The following IARS2 variants were observed in gnomAD, a reference collection of about 807,000 sequenced individuals.
IARS2 encodes the protein isoleucyl-tRNA synthetase 2, mitochondrial, also known as isoleucine--tRNA ligase, mitochondrial.
A neutral mutation model predicts 126.3 loss-of-function variants in IARS2; 56 were observed. That is an observed-to-expected ratio of 0.44 (90% CI 0.36 to 0.55). The LOEUF (loss-of-function observed/expected upper bound fraction) is 0.55. Among genes scored for constraint, IARS2 ranks in the 20% least tolerant of loss-of-function variants. IARS2 has a pLI of 0.00. For missense variants in IARS2, 1,127 were observed against 1,245.9 expected (o/e 0.90, Z 1.44); for synonymous variants, 407 against 441.1 (o/e 0.92, Z 0.97).
At position 220,140,226 on chromosome 1, in the gene IARS2, G is replaced by A. The variant is rs753848690; in HGVS notation, c.2351G>A (p.Arg784Gln). The A allele has an allele frequency of 1.9e-5, 30 of 1,612,996 alleles. No individual in the cohort carries two copies. Among genetic ancestry groups the A allele is most frequent in the East Asian group, 2.2e-5 (1 of 44,868 alleles). Reference sequence around the variant, plus strand: ...CAATATGATTTTGGAAAAGTTGTTCGGCTGTTACGGACGTTTTATACCAGA... The same window carrying A: ...CAATATGATTTTGGAAAAGTTGTTCAGCTGTTACGGACGTTTTATACCAGA... ...YKQYDFGKVV[R>Q]LLRTFYTREL... The change falls in exon 19 of 23, where the codon CGG (arginine) becomes CAG (glutamine). Residue 784 changes from arginine to glutamine, a missense_variant. Coordinates refer to ENST00000366922, the MANE Select transcript of IARS2 (RefSeq NM_018060.4).
intron 12 of IARS2, among the ~76,000 whole-genome samples, chr1:220,116,416 C>T (rs1461401557): frequency 6.6e-6 from 1 of 151,854 alleles, no homozygotes; most frequent in Non-Finnish European, 1.5e-5. Flanking sequence ...GTTAATTCTT[C>T]CTTTTAGGAA....
At chr1:220,138,073 A>G in intron 17 of IARS2, 30 bp downstream of exon 17, 2 of 1,601,752 alleles carry the variant, frequency 1.2e-6, no homozygotes, top group Non-Finnish European at 1.7e-6. Context: ...CTATTTCTAA[A>G]GGACAAGTTT....
At chr1:220,118,083 TGCTGGAA>T in intron 12 of IARS2, 1 of 438,390 alleles carries the variant, frequency 2.3e-6, no homozygotes, top group Non-Finnish European at 4.6e-6. Context: ...TCTTTTTTTC[TGCTGGAA>T]TCAAATGAGA....
intron 2 of IARS2, among the ~76,000 whole-genome samples, chr1:220,099,261 G>A (rs1043647807): frequency 1.2e-4 from 18 of 144,092 alleles, no homozygotes; most frequent in African/African-American, 4.6e-4. Flanking sequence ...CTATAAATTT[G>A]TGCCACATAG....
intron 3 of IARS2, 43 bp from the exon 4 acceptor site, chr1:220,102,086 A>T: frequency 6.5e-7 from 1 of 1,545,530 alleles, no homozygotes; most frequent in Non-Finnish European, 8.8e-7. Context: ...TAAGAATTCG[A>T]ATTCATTGGT....
In IARS2 at chr1:220,096,101, C is replaced by A. The variant is rs1558117570; in HGVS notation, c.268-3C>A. ...TTAGATATCTTTTTTTTTTTTAAAA[C>A]AGAAATGTGGATTTTCAGAACTTTA... On this transcript the variant is annotated splice_region_variant and splice_polypyrimidine_tract_variant and intron_variant, in intron 1 of 22. Coordinates refer to ENST00000366922, the MANE Select transcript of IARS2 (RefSeq NM_018060.4). 6.5e-6 allele frequency: 9 copies of A among 1,389,004 alleles called. No individual in the cohort carries two copies. Among genetic ancestry groups the A allele is most frequent in the South Asian group, 5.1e-5 (4 of 78,068 alleles). The allele number at this position is 1,389,004 out of a possible 1,614,324, so 86.0% of individuals were successfully genotyped here. A position where few individuals can be genotyped will look rare whatever the true frequency, so the allele number is the denominator to read the frequency against.
Position 220,147,870 on chromosome 1 carries a change from T to TATG in IARS2, c.*236_*238dup, listed in dbSNP as rs1345612635. ...GTGTGTGTGTATCTGTGGATGGATA[T>TATG]ATGTATATCTCTTCCTATATATATC... On this transcript the variant is annotated 3_prime_UTR_variant, in exon 23 of 23. Transcript: ENST00000366922. 1.0e-5 allele frequency: 5 copies of TATG among 499,152 alleles called. No individual in the cohort carries two copies. Among genetic ancestry groups the TATG allele is most frequent in the Non-Finnish European group, 1.1e-5 (3 of 282,376 alleles). The allele number at this position is 499,152 out of a possible 1,614,324, so 30.9% of individuals were successfully genotyped here. A position where few individuals can be genotyped will look rare whatever the true frequency, so the allele number is the denominator to read the frequency against.
intron 11 of IARS2, among the ~76,000 whole-genome samples, chr1:220,111,342 C>T (rs1281382413): frequency 2.6e-5 from 4 of 152,042 alleles, no homozygotes; most frequent in African/African-American, 9.7e-5. Context: ...TGGTCTGATA[C>T]ATAATAAGCA....
chr1:220,137,690 G>A (rs542621107), intron 16 of IARS2: 2 of 474,264 alleles, frequency 4.2e-6, no homozygotes, highest in South Asian at 2.7e-5. Context: ...TTAGGTATGA[G>A]CATTTGTGCA....
chr1:220,127,003 A>G (rs1263307362), intron 14 of IARS2, among the ~76,000 whole-genome samples, 160 bp downstream of exon 14: 1 of 152,220 alleles, frequency 6.6e-6, no homozygotes, highest in Admixed American at 6.5e-5. Context: ...ACTTAATCCA[A>G]TGATTTCTAA....
intron 8 of IARS2, among the ~76,000 whole-genome samples, chr1:220,103,912 T>C (rs1488267889): frequency 6.6e-6 from 1 of 152,220 alleles, no homozygotes; most frequent in Non-Finnish European, 1.5e-5. Context: ...ATAATTTTAA[T>C]AAAGGATTGA....
chr1:220,141,214 T>C (rs1657486247), intron 19 of IARS2, among the ~76,000 whole-genome samples: 1 of 152,216 alleles, frequency 6.6e-6, no homozygotes, highest in African/African-American at 2.4e-5. Context: ...TATCAGACGA[T>C]GAACATAATG....
In IARS2 at chr1:220,102,203, A is replaced by G. The variant is rs368937943; in HGVS notation, c.625A>G (p.Asn209Asp). The G allele has an allele frequency of 3.7e-6, 6 of 1,612,480 alleles. No homozygotes were observed. The highest frequency in any genetic ancestry group is 1.6e-4 in the Middle Eastern group (1 of 6,062). ...TCGTTGGGGAATAATGGCAGATTGG[A>G]ATAATTGCTACTATACATTTGATGG... is the stretch of plus-strand genomic sequence containing the variant. ...FIRWGIMADW[N>D]NCYYTFDGKY... is the part of the protein sequence containing the mutation. The change falls in exon 4 of 23, where the codon AAT (asparagine) becomes GAT (aspartate). Residue 209 changes from asparagine (N) to aspartate (D), a missense_variant. Asn to Asp is a conservative substitution (Grantham distance 23). Coordinates refer to ENST00000366922, the MANE Select transcript of IARS2 (RefSeq NM_018060.4).
intron 8 of IARS2, among the ~76,000 whole-genome samples, chr1:220,105,631 T>C (rs533095444): frequency 6.6e-6 from 1 of 152,288 alleles, no homozygotes; most frequent in East Asian, 1.9e-4. Context: ...TATTAAGTGG[T>C]AGATGCAGTA....
chr1:220,142,004 C>A, intron 20 of IARS2, 56 bp downstream of exon 20: 1 of 1,507,044 alleles, frequency 6.6e-7, no homozygotes, highest in Non-Finnish European at 9.1e-7. Context: ...CAAGGTGCAA[C>A]TTCTACTTCT....
intron 12 of IARS2, among the ~76,000 whole-genome samples, chr1:220,123,812 G>T (rs1558126698): frequency 6.6e-6 from 1 of 152,156 alleles, no homozygotes; most frequent in Non-Finnish European, 1.5e-5. Context: ...ATTTGATTTT[G>T]CTTTCCACAA....
intron 15 of IARS2, chr1:220,134,771 T>G (rs113291195): frequency 2.0e-3 from 411 of 206,318 alleles, no homozygotes; most frequent in Middle Eastern, 5.3e-3. Context: ...TGTTGTTGTT[T>G]TTTTTTTTTT....
chr1:220,113,413 T>C (rs919433451), intron 11 of IARS2, among the ~76,000 whole-genome samples: 1 of 152,206 alleles, frequency 6.6e-6, no homozygotes, highest in African/African-American at 2.4e-5. Context: ...TCTTTGAAAA[T>C]GTAAAAATGC....
chr1:220,138,520 AG>A, intron 17 of IARS2, among the ~76,000 whole-genome samples: 1 of 152,054 alleles, frequency 6.6e-6, no homozygotes, highest in Middle Eastern at 3.4e-3. Context: ...AAACATTGGT[AG>A]TAATACCAGT....
Sources: gnomAD v4.1 joint callset for allele counts (sites outside exome capture counted in the v4.1 genomes callset) on GRCh38, gnomAD v4.1.1 for gene constraint, MANE v1.5 for transcripts, NCBI Gene and HGNC (gene_info 2026-07-23, HGNC 2026-07-21) for gene names.